The following NFIL3 variants were observed in gnomAD, a reference collection of about 807,000 sequenced individuals.
The protein encoded by NFIL3 is nuclear factor, interleukin 3 regulated.
NFIL3 carries 5 observed loss-of-function variants against 10.0 expected under a neutral mutation model. The observed-to-expected ratio is 0.50, with a 90% CI of 0.26 to 1.06. The LOEUF (loss-of-function observed/expected upper bound fraction) is 1.06. Among genes scored for constraint, NFIL3 ranks in the 50% least tolerant of loss-of-function variants. The probability of loss-of-function intolerance (pLI) is 0.13; values close to 1 mark genes in which losing one functional copy is unlikely to be tolerated. For synonymous variants in NFIL3, 202 were observed against 206.5 expected (o/e 0.98, Z 0.19); for missense variants, 436 against 547.6 (o/e 0.80, Z 2.03).
chr9:91,476,854 A>G, the NFIL3 span, among the ~76,000 whole-genome samples: 1 of 152,226 alleles, frequency 6.6e-6, no homozygotes, highest in Non-Finnish European at 1.5e-5. Context: ...AAAATCAGGA[A>G]CAAACAAGAA....
chr9:91,417,771 A>C (rs1208394142), intron 1 of NFIL3, among the ~76,000 whole-genome samples: 1 of 152,136 alleles, frequency 6.6e-6, no homozygotes, highest in Non-Finnish European at 1.5e-5. Flanking sequence ...GTTAGAGAGA[A>C]ATGTGCACTT....
chr9:91,481,839 AAT>A, the NFIL3 span, among the ~76,000 whole-genome samples: 6 of 152,202 alleles, frequency 3.9e-5, no homozygotes, highest in Admixed American at 3.9e-4. Context: ...CTCAGTGCGA[AAT>A]AGTCATAAAA....
At chr9:91,449,054 A>G in the NFIL3 span, among the ~76,000 whole-genome samples, 3 of 152,194 alleles carry the variant, frequency 2.0e-5, no homozygotes, top group African/African-American at 7.2e-5. Context: ...TAGAAACACA[A>G]CTGATTTTTG....
upstream of NFIL3, among the ~76,000 whole-genome samples, chr9:91,426,616 T>G (rs1315022047): frequency 6.6e-6 from 1 of 152,038 alleles, no homozygotes; most frequent in African/African-American, 2.4e-5. Context: ...AGGAGGTGCC[T>G]GGACAGGGAT....
intron 1 of NFIL3, among the ~76,000 whole-genome samples, chr9:91,416,160 T>TC (rs35308502): frequency 0.018 from 2,649 of 144,470 alleles, 37 homozygotes; most frequent in Middle Eastern, 0.04. Context: ...ATCTTCTTCT[T>TC]TTTTTTTTTT....
the NFIL3 span, among the ~76,000 whole-genome samples, chr9:91,442,061 TATA>T: frequency 1.3e-5 from 2 of 152,210 alleles, no homozygotes; most frequent in Non-Finnish European, 2.9e-5. Context: ...AGGTATTCAT[TATA>T]GCAATTATTG....
chr9:91,438,433 C>A, the NFIL3 span, among the ~76,000 whole-genome samples: 1 of 151,726 alleles, frequency 6.6e-6, no homozygotes, highest in Non-Finnish European at 1.5e-5. Context: ...ACAGGGTATA[C>A]AATTTTTTTT....
the NFIL3 span, among the ~76,000 whole-genome samples, chr9:91,438,015 G>C: frequency 6.6e-6 from 1 of 152,250 alleles, no homozygotes; most frequent in African/African-American, 2.4e-5. Flanking sequence ...TTTCCTTTGG[G>C]TATATGCCCA....
At chr9:91,467,702 A>T in the NFIL3 span, among the ~76,000 whole-genome samples, 1 of 150,564 alleles carries the variant, frequency 6.6e-6, no homozygotes, top group African/African-American at 2.4e-5. Context: ...CCACCCCACA[A>T]CAGGCCCTGG....
chr9:91,409,622 T>C lies in NFIL3; in HGVS notation c.1113A>G (p.Pro371=). The C allele has an allele frequency of 6.2e-7, 1 of 1,614,202 alleles. No homozygotes were observed. Among genetic ancestry groups the C allele is most frequent in the African/African-American group, 1.3e-5 (1 of 75,046 alleles). Residue 371 remains proline (P), a synonymous_variant, in exon 2 of 2, where the codon CCA becomes CCG. Coordinates refer to ENST00000297689, the MANE Select transcript of NFIL3 (RefSeq NM_005384.3). Reference sequence around the variant, plus strand: ...GAGTAAGAGAAGAATGTACCATACTTGGGGCACTATGCTTTTCGAGTTCGA... The same window carrying C: ...GAGTAAGAGAAGAATGTACCATACTCGGGGCACTATGCTTTTCGAGTTCGA... ...RHFELEKHSA[P]SMVHSSLTPF... is the part of the protein sequence containing the mutation.
chr9:91,424,753 G>C (rs1420388087), upstream of NFIL3, among the ~76,000 whole-genome samples: 1 of 152,254 alleles, frequency 6.6e-6, no homozygotes, highest in Non-Finnish European at 1.5e-5. Context: ...GTCCGCGCTC[G>C]GGTGCCCCCG....
chr9:91,482,440 GA>G, the NFIL3 span, among the ~76,000 whole-genome samples: 1 of 151,948 alleles, frequency 6.6e-6, no homozygotes, highest in African/African-American at 2.4e-5. Flanking sequence ...GGGTGATGAT[GA>G]TGATGATGAT....
chr9:91,445,819 A>C, the NFIL3 span, among the ~76,000 whole-genome samples: 3 of 152,080 alleles, frequency 2.0e-5, no homozygotes, highest in African/African-American at 7.2e-5. Flanking sequence ...CAGTGACTGA[A>C]ATCGGGGGGA....
the NFIL3 span, among the ~76,000 whole-genome samples, chr9:91,444,917 A>G: frequency 6.6e-5 from 10 of 152,258 alleles, no homozygotes; most frequent in African/African-American, 2.4e-4. Flanking sequence ...GCTGGGATCC[A>G]GGGCCCAGGT....
chr9:91,449,192 AT>A, the NFIL3 span, among the ~76,000 whole-genome samples: 4,686 of 151,156 alleles, frequency 0.031, 99 homozygotes, highest in East Asian at 0.093. Flanking sequence ...CCTTTTCGTT[AT>A]TTTTTTTTAT....
chr9:91,471,143 G>C, the NFIL3 span, among the ~76,000 whole-genome samples: 1 of 152,264 alleles, frequency 6.6e-6, no homozygotes, highest in Admixed American at 6.5e-5. Flanking sequence ...CATTATTATT[G>C]TGTGGAAGTC....
At chr9:91,456,746 A>G in the NFIL3 span, among the ~76,000 whole-genome samples, 6 of 152,076 alleles carry the variant, frequency 3.9e-5, no homozygotes, top group Non-Finnish European at 5.9e-5. Flanking sequence ...TACTTTTTGC[A>G]TTATATCTAA....
the NFIL3 span, among the ~76,000 whole-genome samples, chr9:91,452,461 T>C: frequency 6.6e-6 from 1 of 152,136 alleles, no homozygotes; most frequent in African/African-American, 2.4e-5. Context: ...GAATGATGTA[T>C]TATGTCTCCT....
the NFIL3 span, among the ~76,000 whole-genome samples, chr9:91,429,279 T>G: frequency 6.6e-6 from 1 of 152,124 alleles, no homozygotes; most frequent in East Asian, 1.9e-4. Context: ...AGGGGATCAT[T>G]TCACCTCTCT....
Sources: allele counts gnomAD v4.1 joint callset (sites outside exome capture counted in the v4.1 genomes callset), GRCh38; gene constraint gnomAD v4.1.1; transcripts MANE v1.5; gene names NCBI Gene and HGNC (gene_info 2026-07-23, HGNC 2026-07-21).